The following PRDM5 variants were observed in gnomAD, a reference collection of about 807,000 sequenced individuals.
The protein encoded by PRDM5 is PR/SET domain 5, also known as PR domain zinc finger protein 5.
In PRDM5, 56 loss-of-function variants were observed where a neutral mutation model predicts 81.2. That is an observed-to-expected ratio of 0.69 (90% CI 0.56 to 0.86). The LOEUF is 0.86. Ranked by LOEUF, PRDM5 falls within the 40% of genes least tolerant of loss-of-function variation. The pLI is 0.00. For missense variants in PRDM5, 697 were observed against 770.1 expected (o/e 0.91, Z 1.12); for synonymous variants, 267 against 256.4 (o/e 1.04, Z -0.39).
chr4:120,736,862 T>C (rs940601265), intron 14 of PRDM5, among the ~76,000 whole-genome samples: 2 of 152,208 alleles, frequency 1.3e-5, no homozygotes, highest in African/African-American at 2.4e-5. Flanking sequence ...TAGTGACTAG[T>C]TGTAAAGTGA....
chr4:120,705,412 A>G (rs182311642), intron 15 of PRDM5, among the ~76,000 whole-genome samples: 6 of 152,328 alleles, frequency 3.9e-5, no homozygotes, highest in Admixed American at 2.6e-4. Context: ...AGAGAAAGTA[A>G]TTTGAGCTGA....
intron 11 of PRDM5, among the ~76,000 whole-genome samples, chr4:120,781,799 A>G (rs1749074513): frequency 1.3e-5 from 2 of 152,282 alleles, no homozygotes; most frequent in Admixed American, 1.3e-4. Flanking sequence ...TGTGCATCAG[A>G]GCTCAGGCCC....
chr4:120,815,156 G>A (rs1754320923), intron 7 of PRDM5, among the ~76,000 whole-genome samples: 1 of 152,166 alleles, frequency 6.6e-6, no homozygotes, highest in South Asian at 2.1e-4. Flanking sequence ...TGCAGACATA[G>A]ATGAAGAAAA....
At chr4:120,702,579 A>T (rs1735544777) in intron 15 of PRDM5, among the ~76,000 whole-genome samples, 1 of 152,208 alleles carries the variant, frequency 6.6e-6, no homozygotes, top group Admixed American at 6.5e-5. Flanking sequence ...CTACATAAAA[A>T]TTTCTTGAAT....
At chr4:120,763,192 C>A (rs1271422563) in intron 13 of PRDM5, among the ~76,000 whole-genome samples, 1 of 152,084 alleles carries the variant, frequency 6.6e-6, no homozygotes, top group Non-Finnish European at 1.5e-5. Flanking sequence ...AAAAACAGGA[C>A]AGCCACGTGC....
chr4:120,696,837 T>C (rs141990549), intron 15 of PRDM5, among the ~76,000 whole-genome samples: 1 of 152,258 alleles, frequency 6.6e-6, no homozygotes, highest in African/African-American at 2.4e-5. Flanking sequence ...CCCTGGAATA[T>C]ACAAGTGACT....
rs141225286 is a variant in PRDM5 at position 120,717,324 on chromosome 4, G to A, written c.1624-6911C>T. The stretch of plus-strand genomic sequence containing the variant: ...ATCTATTAGAGGCAGAATTAATCAG[G>A]AGTCTCATCAGTCTAGCTTTAATCA... On this transcript the variant is annotated intron_variant, in intron 14 of 15. Coordinates refer to ENST00000264808, the MANE Select transcript of PRDM5 (RefSeq NM_018699.4). Among the ~76,000 whole-genome samples, 54 of 152,262 alleles carry A rather than the reference G, an allele frequency of 3.5e-4. 1 individual carries two copies. Among genetic ancestry groups the A allele is most frequent in the African/African-American group, 1.3e-3 (52 of 41,552 alleles).
intron 2 of PRDM5, among the ~76,000 whole-genome samples, chr4:120,891,092 T>C (rs925504866): frequency 5.9e-5 from 9 of 152,202 alleles, no homozygotes; most frequent in African/African-American, 2.2e-4. Flanking sequence ...TTTGTAATAG[T>C]TTCAGTAGGA....
At chr4:120,811,489 CTA>C (rs1753828940) in intron 7 of PRDM5, 40 bp from the exon 8 acceptor site, 1 of 1,299,564 alleles carries the variant, frequency 7.7e-7, no homozygotes, top group African/African-American at 1.5e-5. Flanking sequence ...TTAAATGAGA[CTA>C]TTAAGAGGAA....
At chr4:120,796,068 A>G (rs1247008930) in intron 10 of PRDM5, among the ~76,000 whole-genome samples, 1 of 152,180 alleles carries the variant, frequency 6.6e-6, no homozygotes, top group African/African-American at 2.4e-5. Flanking sequence ...ACAAAAGAAT[A>G]ATTAATTAAA....
At chr4:120,888,745 T>C (rs954900723) in intron 2 of PRDM5, among the ~76,000 whole-genome samples, 1 of 152,250 alleles carries the variant, frequency 6.6e-6, no homozygotes, top group African/African-American at 2.4e-5. Context: ...TTTCAGATGA[T>C]GTTTGCAAAC....
intron 14 of PRDM5, among the ~76,000 whole-genome samples, chr4:120,736,588 C>T (rs756736781): frequency 5.3e-5 from 8 of 152,320 alleles, no homozygotes; most frequent in African/African-American, 1.9e-4. Context: ...ATCATCTGCC[C>T]TCTGTGCATC....
Position 120,749,307 on chromosome 4 carries a change from A to C in PRDM5, c.1623+5246T>G, listed in dbSNP as rs73845481. Among the ~76,000 whole-genome samples, 1,300 of 152,252 alleles carry C rather than the reference A, an allele frequency of 8.5e-3. 20 individuals are homozygous for C. The highest frequency in any genetic ancestry group is 0.03 in the African/African-American group (1,230 of 41,536). ...AAAACAAGTGATGGTTAATTCCTTA[A>C]GGATTGTGGACTAGCATTTAGGTTA... On this transcript the variant is annotated intron_variant, in intron 14 of 15. Transcript: ENST00000264808.
intron 1 of PRDM5, among the ~76,000 whole-genome samples, chr4:120,916,038 T>C (rs937765418): frequency 6.6e-6 from 1 of 151,980 alleles, no homozygotes; most frequent in African/African-American, 2.4e-5. Flanking sequence ...TTATAAGAAA[T>C]GTTAAATGAA....
intron 15 of PRDM5, among the ~76,000 whole-genome samples, chr4:120,705,034 T>C (rs919456709): frequency 6.6e-6 from 1 of 152,146 alleles, no homozygotes; most frequent in Admixed American, 6.6e-5. Context: ...GTTTTGTAAG[T>C]GGTGGGAATT....
chr4:120,788,948 G>T (rs1355742370), intron 10 of PRDM5, among the ~76,000 whole-genome samples: 1 of 152,200 alleles, frequency 6.6e-6, no homozygotes, highest in African/African-American at 2.4e-5. Context: ...GAGAACTTCT[G>T]TCTCCAAGAT....
Position 120,697,516 on chromosome 4 carries a change from CT to C in PRDM5, c.1729-2242del, listed in dbSNP as rs537716980. 3.0e-3 allele frequency among the ~76,000 whole-genome samples: 435 copies of C among 145,034 alleles called. 1 individual carries two copies. The highest frequency in any genetic ancestry group is 4.8e-3 in the African/African-American group (192 of 39,846). On this transcript the variant is annotated intron_variant, in intron 15 of 15. Coordinates refer to ENST00000264808, the MANE Select transcript of PRDM5 (RefSeq NM_018699.4). The stretch of plus-strand genomic sequence containing the variant: ...TTTTTCAGCTGTTAAAAATATTAAT[CT>C]TTTTTTTTTTTGAGTCAAGATGTCG...
At chr4:120,852,444 G>A (rs1759377789) in intron 3 of PRDM5, among the ~76,000 whole-genome samples, 1 of 152,054 alleles carries the variant, frequency 6.6e-6, no homozygotes, top group African/African-American at 2.4e-5. Flanking sequence ...TCAAACAAAA[G>A]GCTGACCTAC....
intron 1 of PRDM5, among the ~76,000 whole-genome samples, chr4:120,915,379 G>A (rs1724015281): frequency 6.6e-6 from 1 of 152,170 alleles, no homozygotes; most frequent in Non-Finnish European, 1.5e-5. Flanking sequence ...TAGAACTACA[G>A]CAAGCCCCAG....
Sources: allele counts gnomAD v4.1 joint callset (sites outside exome capture counted in the v4.1 genomes callset), GRCh38; gene constraint gnomAD v4.1.1; transcripts MANE v1.5; gene names NCBI Gene and HGNC (gene_info 2026-07-23, HGNC 2026-07-21).